PYGO1: variants seen among roughly 807,000 people sequenced by gnomAD.
The protein encoded by PYGO1 is pygopus family PHD finger 1.
A neutral mutation model predicts 29.5 loss-of-function variants in PYGO1; 6 were observed. The observed-to-expected ratio is 0.20, with a 90% CI of 0.11 to 0.40. PYGO1 has a LOEUF of 0.40. PYGO1 is among the 10% of genes least tolerant of loss of function. The probability of loss-of-function intolerance (pLI) is 1.00; values close to 1 mark genes in which losing one functional copy is unlikely to be tolerated. For synonymous variants in PYGO1, 186 were observed against 180.5 expected, an observed-to-expected ratio of 1.03 and a Z score of -0.24; for missense variants, 515 against 514.9, an observed-to-expected ratio of 1.00 and a Z score of 0.00.
rs1055951492 is a variant in PYGO1 at position 55,542,414 on chromosome 15, T to C, written c.*3609A>G. ...CTTTAGTTTTATGTATATAACCTTC[T>C]AATTTGAATAACAATTATAGCAGTA... On this transcript the variant is annotated 3_prime_UTR_variant, in exon 3 of 3. Transcript: ENST00000563719. The C allele has an allele frequency of 7.9e-5, 12 of 152,344 alleles. No individual in the cohort carries two copies. The highest frequency in any genetic ancestry group is 2.6e-4 in the African/African-American group (11 of 41,590). The allele number at this position is 152,344 out of a possible 1,614,324, so 9.4% of individuals were successfully genotyped here.
chr15:55,551,109 A>C (rs1006871618), intron 1 of PYGO1, among the ~76,000 whole-genome samples: 1 of 152,202 alleles, frequency 6.6e-6, no homozygotes, highest in African/African-American at 2.4e-5. Context: ...CTCACCCGCC[A>C]GTCACCTCCT....
intron 1 of PYGO1, among the ~76,000 whole-genome samples, chr15:55,571,187 T>A (rs1256018661): frequency 6.6e-6 from 1 of 152,184 alleles, no homozygotes; most frequent in Non-Finnish European, 1.5e-5. Flanking sequence ...GTGTCAGAAT[T>A]TCCTTCCTTT....
At chr15:55,558,218 G>A (rs1300102624) in intron 1 of PYGO1, among the ~76,000 whole-genome samples, 1 of 152,076 alleles carries the variant, frequency 6.6e-6, no homozygotes, top group Non-Finnish European at 1.5e-5. Context: ...GACAAACAGA[G>A]AGCCAAATCA....
chr15:55,565,630 G>T (rs2058952608), intron 1 of PYGO1, among the ~76,000 whole-genome samples: 1 of 151,862 alleles, frequency 6.6e-6, no homozygotes, highest in Non-Finnish European at 1.5e-5. Flanking sequence ...CATGAGAATC[G>T]CTTGAACCCG....
chr15:55,588,716 G>T (rs1193894748), upstream of PYGO1: 22 of 1,433,818 alleles, frequency 1.5e-5, no homozygotes, highest in Admixed American at 2.9e-4. Context: ...CCCAGCTTTC[G>T]CAAGGAAAGG....
intron 1 of PYGO1, among the ~76,000 whole-genome samples, chr15:55,577,571 A>G (rs963366591): frequency 6.6e-6 from 1 of 152,104 alleles, no homozygotes; most frequent in Non-Finnish European, 1.5e-5. Flanking sequence ...AAAAGAAGCA[A>G]TGAAATCTAA....
At chr15:55,588,774 C>G, upstream of PYGO1, 6 of 1,610,366 alleles carry the variant, frequency 3.7e-6, no homozygotes, top group Non-Finnish European at 5.1e-6. Flanking sequence ...GTCTCGGCCT[C>G]GCAGCTAGGG....
At position 55,544,646 on chromosome 15, in the gene PYGO1, A is replaced by C. The variant is rs2058841800; in HGVS notation, c.*1377T>G. On this transcript the variant is annotated 3_prime_UTR_variant, in exon 3 of 3. Transcript: ENST00000563719. Reference sequence around the variant, plus strand: ...TTTCACTTGGGTTTAAATAACAGTAATTATTTATCTCTTTCGTAGATCACC... The same window carrying C: ...TTTCACTTGGGTTTAAATAACAGTACTTATTTATCTCTTTCGTAGATCACC... 1 of 152,150 alleles carries C rather than the reference A, an allele frequency of 6.6e-6. No individual in the cohort carries two copies. Among genetic ancestry groups the C allele is most frequent in the South Asian group, 2.1e-4 (1 of 4,820 alleles). 9.4% of individuals were successfully genotyped at this position (152,150 alleles called of 1,614,324 possible).
At chr15:55,551,897 C>T (rs751054621) in intron 1 of PYGO1, among the ~76,000 whole-genome samples, 15 of 152,084 alleles carry the variant, frequency 9.9e-5, no homozygotes, top group South Asian at 2.1e-4. Context: ...CATGACAAAG[C>T]GGGATTTTTC....
At position 55,547,093 on chromosome 15, in the gene PYGO1, C is replaced by G. The variant is rs768200892; in HGVS notation, c.190G>C (p.Asp64His). ...AATGGATTAGCAGCCACTAGATGGT[C>G]AGAGTTTGGATTCGGTGGTGGAGCA... is the stretch of plus-strand genomic sequence containing the variant. Reference protein sequence around the residue: ...EYAPPPNPNSDHLVAANPFDD... With the variant: ...EYAPPPNPNSHHLVAANPFDD... Residue 64 changes from aspartate (D) to histidine (H), a missense_variant, in exon 3 of 3, where the codon GAC becomes CAC. Coordinates refer to ENST00000563719, the MANE Select transcript of PYGO1 (RefSeq NM_001367806.1). 2 of 1,611,712 alleles carry G rather than the reference C, an allele frequency of 1.2e-6. No homozygotes were observed. The highest frequency in any genetic ancestry group is 1.3e-5 in the African/African-American group (1 of 74,842).
At chr15:55,577,811 G>A (rs2059009751) in intron 1 of PYGO1, among the ~76,000 whole-genome samples, 1 of 146,474 alleles carries the variant, frequency 6.8e-6, no homozygotes, top group African/African-American at 2.5e-5. Flanking sequence ...TATCACCCAG[G>A]CAGGAGTGCA....
chr15:55,569,267 T>C (rs1486143044), intron 1 of PYGO1, among the ~76,000 whole-genome samples: 1 of 152,188 alleles, frequency 6.6e-6, no homozygotes, highest in Non-Finnish European at 1.5e-5. Context: ...GTATGGATTT[T>C]GGTGTCTCAA....
At chr15:55,564,123 T>C (rs993669368) in intron 1 of PYGO1, among the ~76,000 whole-genome samples, 3 of 152,182 alleles carry the variant, frequency 2.0e-5, no homozygotes, top group Non-Finnish European at 4.4e-5. Context: ...TTGTACAACG[T>C]TTTTAGCAGT....
chr15:55,548,875 A>C (rs764502226), intron 2 of PYGO1, 35 bp downstream of exon 2: 1 of 1,587,630 alleles, frequency 6.3e-7, no homozygotes, highest in Non-Finnish European at 8.6e-7. Flanking sequence ...CATACTAGCA[A>C]AGAAAAACTT....
At chr15:55,566,745 T>C (rs1266279512) in intron 1 of PYGO1, among the ~76,000 whole-genome samples, 1 of 152,206 alleles carries the variant, frequency 6.6e-6, no homozygotes, top group Non-Finnish European at 1.5e-5. Context: ...GTTTTGATGG[T>C]TTTGAGACAA....
At chr15:55,553,449 G>T (rs1448693799) in intron 1 of PYGO1, among the ~76,000 whole-genome samples, 1 of 151,398 alleles carries the variant, frequency 6.6e-6, no homozygotes, top group Non-Finnish European at 1.5e-5. Context: ...AGGCTGGAGT[G>T]CAGTGGCGTA....
Position 55,545,996 on chromosome 15 carries a change from T to C in PYGO1, c.*27A>G. On this transcript the variant is annotated 3_prime_UTR_variant, in exon 3 of 3. Transcript: ENST00000563719. The stretch of plus-strand genomic sequence containing the variant: ...TGAACTTCTGCAATGCACAGGAAAA[T>C]AAACCCACTTTAGTTAATGCCTTTG... The C allele has an allele frequency of 6.4e-7, 1 of 1,552,238 alleles. No homozygotes were observed. Among genetic ancestry groups the C allele is most frequent in the Non-Finnish European group, 8.7e-7 (1 of 1,146,942 alleles).
At chr15:55,558,559 A>C (rs2058917868) in intron 1 of PYGO1, among the ~76,000 whole-genome samples, 1 of 151,100 alleles carries the variant, frequency 6.6e-6, no homozygotes, top group South Asian at 2.1e-4. Flanking sequence ...AAGCCAAAAG[A>C]ACAAAGCTGG....
At chr15:55,578,012 T>G (rs920332019) in intron 1 of PYGO1, among the ~76,000 whole-genome samples, 3 of 152,168 alleles carry the variant, frequency 2.0e-5, no homozygotes, top group Non-Finnish European at 4.4e-5. Flanking sequence ...TGACCTCAAG[T>G]GATCTACCTG....
Sources: gnomAD v4.1 joint callset for allele counts (sites outside exome capture counted in the v4.1 genomes callset) on GRCh38, gnomAD v4.1.1 for gene constraint, MANE v1.5 for transcripts, NCBI Gene and HGNC (gene_info 2026-07-23, HGNC 2026-07-21) for gene names.